SLC36A4: variants seen among roughly 807,000 people sequenced by gnomAD.
SLC36A4 encodes neutral amino acid uniporter 4.
In SLC36A4, 49 loss-of-function variants were observed where a neutral mutation model predicts 50.5. The observed-to-expected ratio is 0.97, with a 90% CI of 0.77 to 1.23. The LOEUF (loss-of-function observed/expected upper bound fraction) is 1.23. Ranked by LOEUF, SLC36A4 falls within the 50% of genes most tolerant of loss-of-function variation. The probability of loss-of-function intolerance (pLI) is 0.00; values close to 1 mark genes in which losing one functional copy is unlikely to be tolerated. For missense variants in SLC36A4, 611 were observed against 608.4 expected, an observed-to-expected ratio of 1.00 and a Z score of -0.05; for synonymous variants, 207 against 206.5, an observed-to-expected ratio of 1.00 and a Z score of -0.02.
At chr11:93,163,332 T>C (rs971150506) in intron 8 of SLC36A4, among the ~76,000 whole-genome samples, 1 of 152,186 alleles carries the variant, frequency 6.6e-6, no homozygotes. Flanking sequence ...CCTTTTTCTG[T>C]CCCAGAGCTC....
At chr11:93,179,297 G>A (rs185523469) in intron 6 of SLC36A4, among the ~76,000 whole-genome samples, 1 of 152,192 alleles carries the variant, frequency 6.6e-6, no homozygotes, top group Non-Finnish European at 1.5e-5. Flanking sequence ...GACACTCTTA[G>A]ATGCTAGTTT....
At chr11:93,149,865 A>G (rs1859999434) in intron 10 of SLC36A4, among the ~76,000 whole-genome samples, 1 of 152,016 alleles carries the variant, frequency 6.6e-6, no homozygotes, top group South Asian at 2.1e-4. Flanking sequence ...TAATAACTGT[A>G]CTGTGATTAT....
At chr11:93,183,709 T>A (rs1220021433) in intron 3 of SLC36A4, among the ~76,000 whole-genome samples, 1 of 151,900 alleles carries the variant, frequency 6.6e-6, no homozygotes, top group Admixed American at 6.6e-5. Context: ...TATTTATTTT[T>A]TTTTTTGAGA....
At chr11:93,186,678 T>G (rs1259932635) in intron 1 of SLC36A4, among the ~76,000 whole-genome samples, 1 of 152,228 alleles carries the variant, frequency 6.6e-6, no homozygotes, top group African/African-American at 2.4e-5. Flanking sequence ...ACAATACATA[T>G]GATGTTTTTC....
intron 6 of SLC36A4, among the ~76,000 whole-genome samples, chr11:93,177,088 C>A (rs1359140065): frequency 6.6e-6 from 1 of 152,182 alleles, no homozygotes; most frequent in Admixed American, 6.5e-5. Flanking sequence ...TTCAGGTATA[C>A]CAAATCAGAC....
rs558155945 is a variant in SLC36A4 at position 93,144,524 on chromosome 11, C to G, written c.*4013G>C. The G allele has an allele frequency of 1.3e-5, 2 of 151,986 alleles. No homozygotes were observed. The highest frequency in any genetic ancestry group is 1.3e-4 in the Admixed American group (2 of 15,258). 9.4% of individuals were successfully genotyped at this position (151,986 alleles called of 1,614,324 possible). On this transcript the variant is annotated 3_prime_UTR_variant, in exon 11 of 11. Transcript: ENST00000326402. Reference sequence around the variant, plus strand: ...GTGTGTGTCTGCATATACTTGTGCACGCATGCATGTAGGAACTAGCTAATT... The same window carrying G: ...GTGTGTGTCTGCATATACTTGTGCAGGCATGCATGTAGGAACTAGCTAATT...
intron 6 of SLC36A4, among the ~76,000 whole-genome samples, chr11:93,178,134 T>G (rs1027622023): frequency 1.3e-5 from 2 of 151,890 alleles, no homozygotes; most frequent in African/African-American, 2.4e-5. Flanking sequence ...GCTGTGCTAG[T>G]GAGCACTGCT....
chr11:93,185,281 T>C (rs2134700024), intron 2 of SLC36A4: 1 of 153,966 alleles, frequency 6.5e-6, no homozygotes, highest in East Asian at 1.9e-4. Flanking sequence ...AAACTATTAT[T>C]AGAATGAGAA....
intron 6 of SLC36A4, among the ~76,000 whole-genome samples, chr11:93,173,158 T>C (rs1476998798): frequency 6.9e-6 from 1 of 144,242 alleles, no homozygotes; most frequent in Non-Finnish European, 1.5e-5. Flanking sequence ...TGAGATGGTA[T>C]CTCATTGTGG....
At chr11:93,182,966 A>C in intron 3 of SLC36A4, 72 bp from the exon 4 acceptor site, 2 of 1,074,200 alleles carry the variant, frequency 1.9e-6, no homozygotes, top group Non-Finnish European at 2.8e-6. Flanking sequence ...CAATGAATCA[A>C]TGGATTATTC....
At chr11:93,159,947 T>A (rs1860543478) in intron 9 of SLC36A4, 1 of 985,308 alleles carries the variant, frequency 1.0e-6, no homozygotes, top group Non-Finnish European at 1.2e-6. Context: ...GATACTCTTG[T>A]AACAGTCATT....
At chr11:93,178,300 G>A (rs889125039) in intron 6 of SLC36A4, among the ~76,000 whole-genome samples, 6 of 152,150 alleles carry the variant, frequency 3.9e-5, no homozygotes, top group African/African-American at 1.2e-4. Flanking sequence ...ATCTGTCATG[G>A]CTTCCCTTGG....
chr11:93,196,806 T>C (rs938146664), intron 1 of SLC36A4, among the ~76,000 whole-genome samples: 1 of 152,260 alleles, frequency 6.6e-6, no homozygotes, highest in Non-Finnish European at 1.5e-5. Context: ...CTGCCATTAA[T>C]AAGCTTAAAA....
At position 93,154,279 on chromosome 11, in the gene SLC36A4, T is replaced by G. The variant is rs200947849; in HGVS notation, c.1038-2A>C. On this transcript the variant is annotated splice_acceptor_variant, in intron 9 of 10. Transcript: ENST00000326402. LOFTEE classifies it high-confidence loss of function. ...AGAATTTTCACTGATTGATATAACCTGTTGAAAAAAATTTTCAAAATTTAG... is the reference window on the plus strand; with the variant it reads ...AGAATTTTCACTGATTGATATAACCGGTTGAAAAAAATTTTCAAAATTTAG... 3.3e-5 allele frequency: 44 copies of G among 1,352,720 alleles called. No homozygotes were observed. The highest frequency in any genetic ancestry group is 4.1e-5 in the Non-Finnish European group (43 of 1,037,920). The allele number at this position is 1,352,720 out of a possible 1,614,324, so 83.8% of individuals were successfully genotyped here.
At chr11:93,190,253 T>C (rs539101920) in intron 1 of SLC36A4, among the ~76,000 whole-genome samples, 35 of 152,276 alleles carry the variant, frequency 2.3e-4, no homozygotes, top group African/African-American at 8.4e-4. Flanking sequence ...TAATTATTCC[T>C]GGGTACAAAA....
intron 9 of SLC36A4, among the ~76,000 whole-genome samples, chr11:93,158,032 A>G (rs1253049074): frequency 6.6e-6 from 1 of 152,224 alleles, no homozygotes; most frequent in Non-Finnish European, 1.5e-5. Flanking sequence ...GAAATTTAAG[A>G]GCTGAATAAA....
intron 6 of SLC36A4, among the ~76,000 whole-genome samples, chr11:93,178,964 T>C (rs770661745): frequency 2.6e-5 from 4 of 152,122 alleles, no homozygotes; most frequent in Admixed American, 6.5e-5. Context: ...ATTCCTTTTA[T>C]AGAGATAGGA....
intron 9 of SLC36A4, chr11:93,160,397 T>G: frequency 3.0e-6 from 3 of 985,402 alleles, no homozygotes; most frequent in Non-Finnish European, 3.6e-6. Context: ...CTAGCTAGAC[T>G]TCCTTGAATA....
chr11:93,176,551 C>G (rs1861482468), intron 6 of SLC36A4, among the ~76,000 whole-genome samples: 1 of 151,696 alleles, frequency 6.6e-6, no homozygotes, highest in Non-Finnish European at 1.5e-5. Flanking sequence ...TCTCGATGGT[C>G]TTTACATTTT....
Sources: gnomAD v4.1 joint callset for allele counts (sites outside exome capture counted in the v4.1 genomes callset) on GRCh38, gnomAD v4.1.1 for gene constraint, MANE v1.5 for transcripts, NCBI Gene and HGNC (gene_info 2026-07-23, HGNC 2026-07-21) for gene names.